ATG5: variants seen among roughly 807,000 people sequenced by gnomAD.
ATG5 encodes autophagy protein 5.
ATG5 carries 14 observed loss-of-function variants against 36.5 expected under a neutral mutation model. The ratio of observed to expected loss-of-function variants is 0.38; its 90% CI spans 0.25 to 0.60. The LOEUF is 0.60. Among genes scored for constraint, ATG5 ranks in the 20% least tolerant of loss-of-function variants. The pLI is 0.60. For synonymous variants in ATG5, 95 were observed against 101.5 expected (o/e 0.94, Z 0.38); for missense variants, 195 against 326.7 (o/e 0.60, Z 3.11).
At chr6:106,203,908 G>A (rs945852419) in intron 6 of ATG5, among the ~76,000 whole-genome samples, 1 of 152,268 alleles carries the variant, frequency 6.6e-6, no homozygotes, top group Admixed American at 6.5e-5. Context: ...AACTGTTAGA[G>A]ATTTGGTTTA....
At chr6:106,301,145 GCTGA>G (rs1224333001) in intron 3 of ATG5, among the ~76,000 whole-genome samples, 1 of 152,026 alleles carries the variant, frequency 6.6e-6, no homozygotes, top group Non-Finnish European at 1.5e-5. Context: ...AGCACCCTCT[GCTGA>G]CTAACATCTC....
At chr6:106,207,423 G>A (rs1562211271) in intron 6 of ATG5, among the ~76,000 whole-genome samples, 1 of 152,074 alleles carries the variant, frequency 6.6e-6, no homozygotes, top group Non-Finnish European at 1.5e-5. Flanking sequence ...CAGCTATATT[G>A]TAAATGGTGG....
intron 2 of ATG5, among the ~76,000 whole-genome samples, chr6:106,312,732 A>AT (rs1770700715): frequency 6.6e-6 from 1 of 152,054 alleles, no homozygotes. Context: ...ATGCCACAAG[A>AT]TGGGAGAAGC....
Position 106,229,447 on chromosome 6 carries a change from GAGAC to G in ATG5, c.573+18699_573+18702del, listed in dbSNP as rs1392083918. ...GAGAGAGACAGAGAGGAGAGAGAGA[GAGAC>G]AGGGAGGACAGGGAGAGAGACAGAG... On this transcript the variant is annotated intron_variant, in intron 6 of 7. Transcript: ENST00000369076. Among the ~76,000 whole-genome samples, 11 of 152,118 alleles carry G rather than the reference GAGAC, an allele frequency of 7.2e-5. No individual in the cohort carries two copies. The East Asian group carries it at 2.1e-3, about 29-fold the overall frequency.
At chr6:106,288,808 T>C (rs1261271759) in intron 4 of ATG5, among the ~76,000 whole-genome samples, 2 of 152,192 alleles carry the variant, frequency 1.3e-5, no homozygotes, top group Non-Finnish European at 2.9e-5. Context: ...ATGCATTTAT[T>C]ATAAACATTA....
intron 3 of ATG5, among the ~76,000 whole-genome samples, chr6:106,294,722 A>AGCCCTAGCTACTCAGGAGGCTGAG (rs1419321091): frequency 3.3e-5 from 5 of 151,742 alleles, no homozygotes; most frequent in African/African-American, 1.2e-4. Context: ...ACACACCTGC[A>AGCCCTAGCTACTCAGGAGGCTGAG]GCCCTAGCTA....
chr6:106,269,774 G>A (rs1779381326), intron 5 of ATG5, among the ~76,000 whole-genome samples: 2 of 152,168 alleles, frequency 1.3e-5, no homozygotes, highest in South Asian at 4.1e-4. Flanking sequence ...CCCGGTTCCC[G>A]CTCGCGCCTC....
At chr6:106,314,360 C>T (rs554514547) in intron 2 of ATG5, among the ~76,000 whole-genome samples, 2 of 152,182 alleles carry the variant, frequency 1.3e-5, no homozygotes, top group African/African-American at 4.8e-5. Flanking sequence ...AGTTTGAGAC[C>T]AGCCTGGCCA....
intron 5 of ATG5, among the ~76,000 whole-genome samples, chr6:106,274,363 C>T (rs778864364): frequency 6.6e-6 from 1 of 152,038 alleles, no homozygotes; most frequent in Non-Finnish European, 1.5e-5. Context: ...CTGAAAGGCA[C>T]AGTATGTCCT....
At chr6:106,254,441 A>G (rs1778722253) in intron 5 of ATG5, among the ~76,000 whole-genome samples, 1 of 152,230 alleles carries the variant, frequency 6.6e-6, no homozygotes, top group Non-Finnish European at 1.5e-5. Context: ...ATGTACTATG[A>G]GTATGCACAT....
chr6:106,259,695 A>G (rs1778937558), intron 5 of ATG5, among the ~76,000 whole-genome samples: 1 of 152,248 alleles, frequency 6.6e-6, no homozygotes, highest in Admixed American at 6.5e-5. Flanking sequence ...AGAGTTATAG[A>G]GTTTTTTAAA....
Position 106,308,572 on chromosome 6 carries a change from G to A in ATG5, c.109-81C>T. ...TACTAAGTAGGTTTTTGAATTTTAA[G>A]GAAAAACAGCCGTGTTCTTTGCATT... On this transcript the variant is annotated intron_variant, in intron 2 of 7. Coordinates refer to ENST00000369076, the MANE Select transcript of ATG5 (RefSeq NM_004849.4). The A allele has an allele frequency of 3.6e-6, 4 of 1,106,442 alleles. No individual in the cohort carries two copies. The South Asian group carries it at 8.0e-5, about 22-fold the overall frequency. 68.5% of individuals were successfully genotyped at this position (1,106,442 alleles called of 1,614,324 possible).
chr6:106,308,844 T>C (rs576214469), intron 2 of ATG5, among the ~76,000 whole-genome samples: 1 of 152,310 alleles, frequency 6.6e-6, no homozygotes, highest in Non-Finnish European at 1.5e-5. Context: ...AAATGATTCA[T>C]CTGAGTCAAT....
chr6:106,311,941 C>A (rs57835893), intron 2 of ATG5, among the ~76,000 whole-genome samples: 1,529 of 152,068 alleles, frequency 0.01, 31 homozygotes, highest in African/African-American at 0.035. Flanking sequence ...AGTGATTCTC[C>A]TGCCTCAGTC....
chr6:106,289,275 A>G (rs12529626), intron 4 of ATG5, among the ~76,000 whole-genome samples: 9,603 of 152,256 alleles, frequency 0.063, 478 homozygotes, highest in Non-Finnish European at 0.094. Context: ...TCAAAAATCT[A>G]TAAGGCAGTA....
At chr6:106,321,258 T>A (rs1771053062) in intron 1 of ATG5, among the ~76,000 whole-genome samples, 2 of 152,150 alleles carry the variant, frequency 1.3e-5, no homozygotes, top group Non-Finnish European at 2.9e-5. Context: ...CAATAAACAA[T>A]GTATGTTTTT....
At chr6:106,307,452 C>T (rs1297829996) in intron 3 of ATG5, among the ~76,000 whole-genome samples, 1 of 149,408 alleles carries the variant, frequency 6.7e-6, no homozygotes, top group Non-Finnish European at 1.5e-5. Flanking sequence ...GCACAATGAA[C>T]AAAACTCCCA....
At chr6:106,239,971 T>A (rs1778052706) in intron 6 of ATG5, among the ~76,000 whole-genome samples, 1 of 152,116 alleles carries the variant, frequency 6.6e-6, no homozygotes, top group Non-Finnish European at 1.5e-5. Context: ...GACACCTATC[T>A]CACACAACAC....
intron 5 of ATG5, among the ~76,000 whole-genome samples, chr6:106,254,883 A>C (rs1778738562): frequency 6.6e-6 from 1 of 152,228 alleles, no homozygotes. Flanking sequence ...TTCTATGTGA[A>C]TGTTGCCTGT....
Sources: allele counts gnomAD v4.1 joint callset (sites outside exome capture counted in the v4.1 genomes callset), GRCh38; gene constraint gnomAD v4.1.1; transcripts MANE v1.5; gene names NCBI Gene and HGNC (gene_info 2026-07-23, HGNC 2026-07-21).